Variants in CAMK2D observed in about 807,000 individuals in gnomAD.
CAMK2D encodes the protein calcium/calmodulin dependent protein kinase II delta.
In CAMK2D, 37 loss-of-function variants were observed where a neutral mutation model predicts 84.0. That is an observed-to-expected ratio of 0.44 (90% confidence interval 0.34 to 0.58). The LOEUF is 0.58. CAMK2D is among the 20% of genes least tolerant of loss of function. The pLI is 0.02. For missense variants in CAMK2D, 448 were observed against 652.5 expected, an observed-to-expected ratio of 0.69 and a Z score of 3.41; for synonymous variants, 202 against 212.5, an observed-to-expected ratio of 0.95 and a Z score of 0.43.
At chr4:113,708,090 A>T (rs1278336156) in intron 2 of CAMK2D, among the ~76,000 whole-genome samples, 2 of 152,180 alleles carry the variant, frequency 1.3e-5, no homozygotes, top group Non-Finnish European at 2.9e-5. Context: ...CATAAAAAAA[A>T]AGTCCCTTCT....
chr4:113,531,198 C>T lies in CAMK2D; in HGVS notation c.601+18G>A. 7.1e-7 allele frequency: 1 copy of T among 1,414,922 alleles called. No individual in the cohort carries two copies. Among genetic ancestry groups the T allele is most frequent in the Non-Finnish European group, 1.0e-6 (1 of 998,488 alleles). The allele number at this position is 1,414,922 out of a possible 1,614,324, so 87.6% of individuals were successfully genotyped here. A position where few individuals can be genotyped will look rare whatever the true frequency, so the allele number is the denominator to read the frequency against. ...CACTAGCTTATCACAAAATTTGCTTCAAAATATAATTGCTTACCACATGCC... is the reference window on the plus strand; with the variant it reads ...CACTAGCTTATCACAAAATTTGCTTTAAAATATAATTGCTTACCACATGCC... On this transcript the variant is annotated intron_variant, in intron 8 of 20. Coordinates refer to ENST00000511664, the MANE Select transcript of CAMK2D (RefSeq NM_001321571.2).
intron 2 of CAMK2D, among the ~76,000 whole-genome samples, chr4:113,697,412 T>C (rs993014070): frequency 1.2e-4 from 18 of 151,982 alleles, no homozygotes; most frequent in African/African-American, 3.6e-4. Context: ...GGGAAGAGAT[T>C]ATGGAGATTT....
At chr4:113,500,670 A>G (rs1371129488) in intron 15 of CAMK2D, among the ~76,000 whole-genome samples, 159 bp from the exon 16 acceptor site, 1 of 152,172 alleles carries the variant, frequency 6.6e-6, no homozygotes, top group Non-Finnish European at 1.5e-5. Flanking sequence ...GGTTTTTAAC[A>G]GAAATAAAAT....
chr4:113,616,343 G>A (rs2099021026), intron 3 of CAMK2D, among the ~76,000 whole-genome samples: 1 of 152,032 alleles, frequency 6.6e-6, no homozygotes, highest in Non-Finnish European at 1.5e-5. Context: ...TGGTGACTAT[G>A]GTCTCCATCC....
Position 113,661,789 on chromosome 4 carries a change from C to A in CAMK2D, c.161-17G>T, listed in dbSNP as rs1367992287. ...TCTGATGATCTGTTAAAAAAAAAAA[C>A]AGAATAAGGCAAAAATAAAGCAAAA... On this transcript the variant is annotated splice_polypyrimidine_tract_variant and intron_variant, in intron 2 of 20. Transcript: ENST00000511664. The A allele has an allele frequency of 1.2e-5, 15 of 1,288,414 alleles. No homozygotes were observed. Among genetic ancestry groups the A allele is most frequent in the African/African-American group, 9.2e-5 (6 of 65,424 alleles). The allele number at this position is 1,288,414 out of a possible 1,614,324, so 79.8% of individuals were successfully genotyped here. A position where few individuals can be genotyped will look rare whatever the true frequency, so the allele number is the denominator to read the frequency against.
chr4:113,738,394 T>C (rs2099585958), intron 2 of CAMK2D, among the ~76,000 whole-genome samples: 1 of 152,088 alleles, frequency 6.6e-6, no homozygotes, highest in Non-Finnish European at 1.5e-5. Context: ...TGCAGCTGTT[T>C]AAATATACCC....
At chr4:113,603,107 T>C (rs374376537) in intron 4 of CAMK2D, among the ~76,000 whole-genome samples, 1 of 152,186 alleles carries the variant, frequency 6.6e-6, no homozygotes, top group South Asian at 2.1e-4. Context: ...GCCGCTGAGG[T>C]GTGCCTAGAA....
At chr4:113,465,649 T>A in intron 16 of CAMK2D, 45 bp from the exon 17 acceptor site, 1 of 1,127,552 alleles carries the variant, frequency 8.9e-7, no homozygotes, top group Non-Finnish European at 1.3e-6. Context: ...AAGACAAAAG[T>A]CATATTAAAT....
intron 2 of CAMK2D, among the ~76,000 whole-genome samples, chr4:113,675,452 T>G (rs2154330006): frequency 6.6e-6 from 1 of 152,336 alleles, no homozygotes; most frequent in East Asian, 1.9e-4. Flanking sequence ...GATAAAAGTT[T>G]ACAAACATGA....
intron 4 of CAMK2D, among the ~76,000 whole-genome samples, chr4:113,577,612 G>A (rs548798520): frequency 1.5e-4 from 23 of 152,046 alleles, no homozygotes; most frequent in Non-Finnish European, 2.5e-4. Context: ...TCACACATAC[G>A]ATATACCTTT....
chr4:113,739,627 G>C (rs2099588455), intron 2 of CAMK2D, among the ~76,000 whole-genome samples: 1 of 152,156 alleles, frequency 6.6e-6, no homozygotes, highest in African/African-American at 2.4e-5. Flanking sequence ...ATAATAGGTT[G>C]ATGTTTCTTT....
chr4:113,688,336 C>T (rs542795882), intron 2 of CAMK2D, among the ~76,000 whole-genome samples: 4 of 152,280 alleles, frequency 2.6e-5, no homozygotes, highest in African/African-American at 9.6e-5. Flanking sequence ...GGTGCATTCA[C>T]CTTTCTAACT....
chr4:113,500,599 G>C (rs1018125411), intron 15 of CAMK2D, 88 bp from the exon 16 acceptor site: 2 of 780,174 alleles, frequency 2.6e-6, no homozygotes, highest in Non-Finnish European at 4.3e-6. Context: ...TACATATCAT[G>C]CAAAATTCTT....
chr4:113,667,308 G>T lies in CAMK2D; in HGVS notation c.161-5536C>A, dbSNP rs565451999. On this transcript the variant is annotated intron_variant, in intron 2 of 20. Transcript: ENST00000511664. ...ATAAATGTTTGTTGACTGAATAAATGAATGAAGGATGGATGCCCCTTCTTT... is the reference window on the plus strand; with the variant it reads ...ATAAATGTTTGTTGACTGAATAAATTAATGAAGGATGGATGCCCCTTCTTT... 1.2e-4 allele frequency among the ~76,000 whole-genome samples: 18 copies of T among 152,300 alleles called. No homozygotes were observed. The South Asian group carries it at 3.7e-3, about 32-fold the overall frequency.
chr4:113,479,374 T>TA (rs1441307330), intron 16 of CAMK2D, among the ~76,000 whole-genome samples: 1 of 152,176 alleles, frequency 6.6e-6, no homozygotes, highest in Non-Finnish European at 1.5e-5. Context: ...TATCCAGAGA[T>TA]AAAAGGACTA....
At chr4:113,719,224 T>C (rs1019169208) in intron 2 of CAMK2D, among the ~76,000 whole-genome samples, 3 of 152,190 alleles carry the variant, frequency 2.0e-5, no homozygotes, top group Non-Finnish European at 4.4e-5. Flanking sequence ...CCCAACGGAA[T>C]AGACCAAACC....
At chr4:113,475,078 T>TGC (rs1418900759) in intron 16 of CAMK2D, among the ~76,000 whole-genome samples, 1 of 152,250 alleles carries the variant, frequency 6.6e-6, no homozygotes, top group Non-Finnish European at 1.5e-5. Flanking sequence ...TGATTTCAGT[T>TGC]GCTGTTGTTT....
chr4:113,736,521 C>A (rs534915621), intron 2 of CAMK2D, among the ~76,000 whole-genome samples: 4 of 152,078 alleles, frequency 2.6e-5, no homozygotes, highest in Non-Finnish European at 5.9e-5. Context: ...AAGGAAGAAG[C>A]GGATAATGCA....
chr4:113,711,256 A>G (rs539135846), intron 2 of CAMK2D, among the ~76,000 whole-genome samples: 10 of 151,652 alleles, frequency 6.6e-5, no homozygotes, highest in South Asian at 2.1e-4. Flanking sequence ...ATATTAGCCT[A>G]TATGTATGCA....
Sources: gnomAD v4.1 joint callset for allele counts (sites outside exome capture counted in the v4.1 genomes callset) on GRCh38, gnomAD v4.1.1 for gene constraint, MANE v1.5 for transcripts, NCBI Gene and HGNC (gene_info 2026-07-23, HGNC 2026-07-21) for gene names.